The following UGGT1 variants were observed in gnomAD, a reference collection of about 807,000 sequenced individuals.
UGGT1 encodes UDP-glucose:glycoprotein glucosyltransferase 1.
A neutral mutation model predicts 203.9 loss-of-function variants in UGGT1; 107 were observed. The observed-to-expected ratio is 0.52, with a 90% CI of 0.45 to 0.62. The LOEUF (loss-of-function observed/expected upper bound fraction) is 0.62, where lower values mean the gene tolerates loss of function less well. UGGT1 is among the 20% of genes least tolerant of loss of function. UGGT1 has a pLI of 0.00. For missense variants in UGGT1, 1,673 were observed against 1,867.2 expected, an observed-to-expected ratio of 0.90 and a Z score of 1.92; for synonymous variants, 628 against 653.5, an observed-to-expected ratio of 0.96 and a Z score of 0.59.
At chr2:128,178,335 C>A in intron 33 of UGGT1, 133 bp from the exon 34 acceptor site, 1 of 762,218 alleles carries the variant, frequency 1.3e-6, no homozygotes, top group Non-Finnish European at 2.1e-6. Context: ...GTGAGGGAAG[C>A]TTCATAACCA....
At position 128,161,259 on chromosome 2, in the gene UGGT1, A is replaced by C; in HGVS notation, c.2816A>C (p.Glu939Ala). ...TCTCATATTCAACAGCTTCGGGTAG[A>C]AGAAGATGTGTAAGTTTTGCCATAG... ...IKSHIQQLRV[E>A]EDVASDLVMK... Residue 939 changes from glutamate (E) to alanine (A), a missense_variant, in exon 25 of 41, where the codon GAA becomes GCA. Glu to Ala is a moderately radical substitution (Grantham distance 107). Transcript: ENST00000259253. 6.2e-7 allele frequency: 1 copy of C among 1,613,564 alleles called. No individual in the cohort carries two copies. Among genetic ancestry groups the C allele is most frequent in the Non-Finnish European group, 8.5e-7 (1 of 1,179,804 alleles).
intron 18 of UGGT1, among the ~76,000 whole-genome samples, chr2:128,150,558 CATGTGT>C (rs758899776): frequency 6.6e-6 from 1 of 151,604 alleles, no homozygotes; most frequent in Non-Finnish European, 1.5e-5. Flanking sequence ...AGACAACTAC[CATGTGT>C]GTGTGTGTGT....
At chr2:128,180,209 G>A (rs141226390) in intron 35 of UGGT1, among the ~76,000 whole-genome samples, 3 of 152,296 alleles carry the variant, frequency 2.0e-5, no homozygotes, top group African/African-American at 7.2e-5. Context: ...AGAATGATTG[G>A]TGTTAGCATG....
rs758551928 is a variant in UGGT1 at position 128,159,557 on chromosome 2, C to G, written c.2399C>G (p.Ala800Gly). 5 of 1,614,034 alleles carry G rather than the reference C, an allele frequency of 3.1e-6. No homozygotes were observed. The highest frequency in any genetic ancestry group is 3.4e-6 in the Non-Finnish European group (4 of 1,180,034). Residue 800 changes from alanine (A) to glycine (G), a missense_variant, in exon 23 of 41, where the codon GCC becomes GGC. This residue lies in a region of UGGT1 where 1,073 missense variants were observed against 1,078.7 expected (regional missense o/e 0.99). Transcript: ENST00000259253. The part of the protein sequence containing the change: ...NVRISMINNP[A>G]KEISYENTQI... Reference sequence around the variant, plus strand: ...AGAATAAGCATGATCAATAATCCTGCCAAAGAGATAAGCTATGAGAACACT... The same window carrying G: ...AGAATAAGCATGATCAATAATCCTGGCAAAGAGATAAGCTATGAGAACACT...
intron 5 of UGGT1, among the ~76,000 whole-genome samples, chr2:128,112,471 T>TATATATATATATATATATATATAA (rs1687913072): frequency 7.8e-6 from 1 of 128,952 alleles, no homozygotes; most frequent in Non-Finnish European, 1.7e-5. Context: ...TATATATATA[T>TATATATATATATATATATATATAA]ATTACATACA....
At chr2:128,101,960 G>C (rs1687392872) in intron 2 of UGGT1, among the ~76,000 whole-genome samples, 1 of 152,010 alleles carries the variant, frequency 6.6e-6, no homozygotes, top group South Asian at 2.1e-4. Flanking sequence ...ACTTGTCCTG[G>C]ATTATGGCAT....
At chr2:128,142,740 T>C (rs1689498047) in intron 16 of UGGT1, among the ~76,000 whole-genome samples, 1 of 152,080 alleles carries the variant, frequency 6.6e-6, no homozygotes, top group Non-Finnish European at 1.5e-5. Context: ...CCCAGCACTT[T>C]GGGAGACTGA....
At chr2:128,102,807 A>G (rs903423633) in intron 2 of UGGT1, among the ~76,000 whole-genome samples, 1 of 152,116 alleles carries the variant, frequency 6.6e-6, no homozygotes, top group Non-Finnish European at 1.5e-5. Flanking sequence ...CTCTCTGCTT[A>G]TCTTGTGAAT....
chr2:128,107,630 G>C (rs1204921513), intron 3 of UGGT1, among the ~76,000 whole-genome samples: 1 of 152,218 alleles, frequency 6.6e-6, no homozygotes, highest in Non-Finnish European at 1.5e-5. Context: ...GGATTGTGGA[G>C]ACTTTCTGGA....
At chr2:128,188,159 T>TA (rs1220898569) in intron 40 of UGGT1, among the ~76,000 whole-genome samples, 1 of 152,032 alleles carries the variant, frequency 6.6e-6, no homozygotes, top group Non-Finnish European at 1.5e-5. Flanking sequence ...TAGCTGGAAT[T>TA]ACAGGCATGC....
intron 31 of UGGT1, among the ~76,000 whole-genome samples, chr2:128,175,928 G>A (rs1479414063): frequency 1.3e-5 from 2 of 152,264 alleles, no homozygotes. Context: ...TTTAGGCATT[G>A]CTGTTGATTA....
chr2:128,137,383 T>C lies in UGGT1; in HGVS notation c.1584-1334T>C, dbSNP rs190789423. Among the ~76,000 whole-genome samples the C allele has an allele frequency of 2.5e-3, 377 of 152,354 alleles. 2 individuals carry two copies. Among genetic ancestry groups the C allele is most frequent in the African/African-American group, 8.7e-3 (362 of 41,580 alleles). Reference sequence around the variant, plus strand: ...CAATGAGCTGATTGTGCCACTGCACTCTGGCCTCGGCAACAGAGCAAGGCC... The same window carrying C: ...CAATGAGCTGATTGTGCCACTGCACCCTGGCCTCGGCAACAGAGCAAGGCC... On this transcript the variant is annotated intron_variant, in intron 15 of 40. Transcript: ENST00000259253.
intron 22 of UGGT1, 111 bp from the exon 23 acceptor site, chr2:128,159,403 A>G (rs1690410433): frequency 9.4e-7 from 1 of 1,061,564 alleles, no homozygotes; most frequent in Admixed American, 2.2e-5. Context: ...CCGGCCTGAG[A>G]CTTTTAAGAG....
intron 22 of UGGT1, among the ~76,000 whole-genome samples, chr2:128,157,625 G>A (rs1690303625): frequency 6.6e-6 from 1 of 152,184 alleles, no homozygotes; most frequent in South Asian, 2.1e-4. Context: ...ACCTGTTCAT[G>A]TTCTTGGAGC....
intron 10 of UGGT1, 140 bp from the exon 11 acceptor site, chr2:128,123,046 T>C (rs923433399): frequency 1.8e-6 from 1 of 554,710 alleles, no homozygotes; most frequent in African/African-American, 1.9e-5. Context: ...AATATATTTA[T>C]CAATTATAAA....
chr2:128,123,219 T>C lies in UGGT1; in HGVS notation c.1107T>C (p.Leu369=). Residue 369 remains leucine, a synonymous_variant, in exon 11 of 41, where the codon CTT becomes CTC. Transcript: ENST00000259253. ...CAAAAACAGCTGTGAGCTCAGAACT[T>C]AGAACCGAAGTGGAAGAGAATCAGA... The part of the protein sequence containing the change: ...AITKTAVSSE[L]RTEVEENQKY... The C allele has an allele frequency of 6.2e-7, 1 of 1,613,650 alleles. No homozygotes were observed.
chr2:128,100,018 A>ACCCCCCCC (rs373235190), intron 2 of UGGT1, among the ~76,000 whole-genome samples: 59 of 34,938 alleles, frequency 1.7e-3, no homozygotes, highest in Non-Finnish European at 2.3e-3. Flanking sequence ...GAGATTTACA[A>ACCCCCCCC]CCCCCCCCCC....
At chr2:128,125,112 A>G (rs1474522602) in intron 11 of UGGT1, among the ~76,000 whole-genome samples, 1 of 152,052 alleles carries the variant, frequency 6.6e-6, no homozygotes, top group Non-Finnish European at 1.5e-5. Flanking sequence ...GGTGGGTGAA[A>G]TCTGTTTGCT....
At chr2:128,133,282 G>A (rs770840747) in intron 14 of UGGT1, 22 bp downstream of exon 14, 2 of 1,598,024 alleles carry the variant, frequency 1.3e-6, no homozygotes, top group East Asian at 2.3e-5. Flanking sequence ...TTATTGTCTG[G>A]CTGTGAACTC....
Sources: allele counts gnomAD v4.1 joint callset (sites outside exome capture counted in the v4.1 genomes callset), GRCh38; gene constraint gnomAD v4.1.1; regional missense constraint gnomAD v4.1.1; transcripts MANE v1.5; gene names NCBI Gene and HGNC (gene_info 2026-07-23, HGNC 2026-07-21).